Variants in ELMO1 observed in about 807,000 individuals in gnomAD.
ELMO1 encodes the protein engulfment and cell motility 1, also known as engulfment and cell motility protein 1.
In ELMO1, 26 loss-of-function variants were observed where a neutral mutation model predicts 98.9. That is an observed-to-expected ratio of 0.26 (90% CI 0.19 to 0.36). The LOEUF (loss-of-function observed/expected upper bound fraction) is 0.36. ELMO1 is among the 10% of genes least tolerant of loss of function. The pLI is 1.00. For synonymous variants in ELMO1, 346 were observed against 346.0 expected, an observed-to-expected ratio of 1.00 and a Z score of 0.00; for missense variants, 627 against 935.2, an observed-to-expected ratio of 0.67 and a Z score of 4.30.
intron 15 of ELMO1, among the ~76,000 whole-genome samples, chr7:37,060,094 A>G (rs992523528): frequency 1.3e-5 from 2 of 152,230 alleles, no homozygotes; most frequent in African/African-American, 4.8e-5. Context: ...CCCATGAGGT[A>G]AGAATTATTA....
chr7:37,286,017 T>C (rs749587370), intron 4 of ELMO1, among the ~76,000 whole-genome samples: 3 of 149,576 alleles, frequency 2.0e-5, no homozygotes, highest in Admixed American at 1.3e-4. Flanking sequence ...GCTGCACTTA[T>C]AGGAAAGAAA....
chr7:37,091,354 G>A (rs777319521), intron 15 of ELMO1, among the ~76,000 whole-genome samples: 19 of 152,150 alleles, frequency 1.2e-4, no homozygotes, highest in Admixed American at 2.6e-4. Flanking sequence ...TGATCCACCC[G>A]CCTCGGCCGC....
intron 13 of ELMO1, among the ~76,000 whole-genome samples, chr7:37,148,916 C>T (rs1788175787): frequency 6.6e-6 from 1 of 152,146 alleles, no homozygotes; most frequent in South Asian, 2.1e-4. Context: ...TCATTCATCC[C>T]CAGGGAGAGC....
chr7:36,912,475 G>C (rs950850793), intron 16 of ELMO1, among the ~76,000 whole-genome samples: 2 of 152,050 alleles, frequency 1.3e-5, no homozygotes, highest in African/African-American at 4.8e-5. Context: ...AAGACAGGAG[G>C]GAGTTGCTGG....
chr7:37,217,227 G>A (rs995650019), intron 10 of ELMO1, among the ~76,000 whole-genome samples: 1 of 151,380 alleles, frequency 6.6e-6, no homozygotes, highest in African/African-American at 2.4e-5. Context: ...AAGCTCTAGA[G>A]TCTACACTCA....
chr7:37,141,145 T>C (rs1941997004), intron 13 of ELMO1, among the ~76,000 whole-genome samples: 1 of 152,154 alleles, frequency 6.6e-6, no homozygotes, highest in Non-Finnish European at 1.5e-5. Context: ...TGCCCATCAA[T>C]CAATGAGTGG....
chr7:37,393,718 G>A (rs551477481), intron 1 of ELMO1: 4 of 152,260 alleles, frequency 2.6e-5, no homozygotes, highest in East Asian at 3.9e-4. Context: ...GCTATCAAGC[G>A]GTGCCTGGTT....
At chr7:36,917,746 T>C (rs969866679) in intron 16 of ELMO1, among the ~76,000 whole-genome samples, 4 of 152,188 alleles carry the variant, frequency 2.6e-5, no homozygotes, top group African/African-American at 9.7e-5. Context: ...CCTGGACACG[T>C]ATCCCAGATA....
intron 13 of ELMO1, among the ~76,000 whole-genome samples, chr7:37,197,535 A>G (rs936078799): frequency 1.7e-4 from 26 of 152,254 alleles, no homozygotes; most frequent in African/African-American, 6.3e-4. Context: ...CCACTTGAAA[A>G]AATGGAAAAC....
chr7:37,229,572 T>C (rs1390063414), intron 8 of ELMO1, among the ~76,000 whole-genome samples: 1 of 152,164 alleles, frequency 6.6e-6, no homozygotes, highest in Non-Finnish European at 1.5e-5. Context: ...ACCACAGAGA[T>C]AGGCATCTTT....
chr7:37,391,295 T>G (rs1803066868), intron 1 of ELMO1, among the ~76,000 whole-genome samples: 1 of 152,046 alleles, frequency 6.6e-6, no homozygotes, highest in Non-Finnish European at 1.5e-5. Context: ...TTTTGTATTT[T>G]TAGTAGAGAT....
chr7:37,154,652 T>C (rs1218855483), intron 13 of ELMO1, among the ~76,000 whole-genome samples: 1 of 152,100 alleles, frequency 6.6e-6, no homozygotes, highest in Non-Finnish European at 1.5e-5. Flanking sequence ...CTCTAAGAAA[T>C]ACGGGACTAT....
In ELMO1 at chr7:37,391,773, A is replaced by T. The variant is rs140784703; in HGVS notation, c.-73-49010T>A. Reference sequence around the variant, plus strand: ...CAAGATTTGGGCAAGCCCCCATGTAACACTCACCAGGGAAGAGCTGGCTTT... The same window carrying T: ...CAAGATTTGGGCAAGCCCCCATGTATCACTCACCAGGGAAGAGCTGGCTTT... On this transcript the variant is annotated intron_variant, in intron 1 of 21. Coordinates refer to ENST00000310758, the MANE Select transcript of ELMO1 (RefSeq NM_014800.11). 7.9e-4 allele frequency among the ~76,000 whole-genome samples: 121 copies of T among 152,272 alleles called. 1 individual carries two copies. The Middle Eastern group carries it at 0.014, about 17-fold the overall frequency.
At chr7:37,030,192 C>T (rs1794800795) in intron 15 of ELMO1, among the ~76,000 whole-genome samples, 1 of 152,088 alleles carries the variant, frequency 6.6e-6, no homozygotes, top group Non-Finnish European at 1.5e-5. Flanking sequence ...TGAGACTAAA[C>T]ATAAGATGCT....
chr7:37,273,662 A>T (rs920938839), intron 4 of ELMO1, among the ~76,000 whole-genome samples: 12 of 152,252 alleles, frequency 7.9e-5, no homozygotes, highest in Admixed American at 5.2e-4. Flanking sequence ...AATTTCCAGG[A>T]GGAGGCCTTC....
chr7:36,967,760 G>C (rs540470941), intron 16 of ELMO1, among the ~76,000 whole-genome samples: 1 of 152,280 alleles, frequency 6.6e-6, no homozygotes, highest in South Asian at 2.1e-4. Context: ...AAGAATTCAG[G>C]CTTTGGAAAG....
At chr7:37,204,396 G>A (rs188622945) in intron 13 of ELMO1, 19 of 348,778 alleles carry the variant, frequency 5.4e-5, no homozygotes, top group East Asian at 2.4e-4. Flanking sequence ...TCATAAAGGC[G>A]GCATGTCTGG....
At chr7:37,223,097 C>G (rs1793686912) in intron 9 of ELMO1, among the ~76,000 whole-genome samples, 1 of 152,178 alleles carries the variant, frequency 6.6e-6, no homozygotes, top group Non-Finnish European at 1.5e-5. Flanking sequence ...GGAGTAGTTT[C>G]AGATGTCTCC....
intron 13 of ELMO1, among the ~76,000 whole-genome samples, chr7:37,210,885 A>T (rs896313991): frequency 2.0e-5 from 3 of 152,230 alleles, no homozygotes; most frequent in Non-Finnish European, 2.9e-5. Context: ...AACTAAAAAA[A>T]AAATCTAGGA....
Sources: allele counts gnomAD v4.1 joint callset (sites outside exome capture counted in the v4.1 genomes callset), GRCh38; gene constraint gnomAD v4.1.1; transcripts MANE v1.5; gene names NCBI Gene and HGNC (gene_info 2026-07-23, HGNC 2026-07-21).